Variants in ACACA observed in about 807,000 individuals in gnomAD.
ACACA encodes the protein acetyl-CoA carboxylase alpha.
In ACACA, 103 loss-of-function variants were observed where a neutral mutation model predicts 296.1. That is an observed-to-expected ratio of 0.35 (90% CI 0.30 to 0.41). The LOEUF (loss-of-function observed/expected upper bound fraction) is 0.41, where lower values mean the gene tolerates loss of function less well. ACACA is among the 10% of genes least tolerant of loss of function. The pLI is 1.00. For synonymous variants in ACACA, 953 were observed against 1,038.6 expected (o/e 0.92, Z 1.58); for missense variants, 1,554 against 2,989.7 (o/e 0.52, Z 11.20).
At chr17:37,352,479 G>A (rs2048950642) in intron 1 of ACACA, among the ~76,000 whole-genome samples, 2 of 152,054 alleles carry the variant, frequency 1.3e-5, no homozygotes, top group Admixed American at 1.3e-4. Flanking sequence ...TTGGGAGCCC[G>A]AGGCAGGAAG....
chr17:37,252,190 G>C, intron 15 of ACACA, 82 bp from the exon 16 acceptor site: 1 of 1,134,666 alleles, frequency 8.8e-7, no homozygotes, highest in East Asian at 2.4e-5. Flanking sequence ...GCTCAAATTT[G>C]TTGTGATGAA....
rs2080535982 is a variant in ACACA, at chr17:37,243,710, C to CTATG, written c.2743-152_2743-151insCATA. ...TGCACATACTTGAGCCCTACGGAAC[C>CTATG]CATGTATAGAAATAGTTGTGGGTTC... is the stretch of plus-strand genomic sequence containing the variant. On this transcript the variant is annotated intron_variant, in intron 21 of 55. Coordinates refer to ENST00000616317, the MANE Select transcript of ACACA (RefSeq NM_198834.3). 5 of 770,744 alleles carry CTATG rather than the reference C, an allele frequency of 6.5e-6. No homozygotes were observed. The South Asian group carries it at 7.9e-5, about 12-fold the overall frequency. The allele number at this position is 770,744 out of a possible 1,614,324, so 47.7% of individuals were successfully genotyped here.
At chr17:37,232,388 T>G (rs758137526) in intron 25 of ACACA, among the ~76,000 whole-genome samples, 2 of 152,138 alleles carry the variant, frequency 1.3e-5, no homozygotes, top group African/African-American at 4.8e-5. Context: ...AGTGCTACCA[T>G]GTGCAGGTGA....
At chr17:37,181,900 C>CAAAAAA (rs61045031) in intron 39 of ACACA, among the ~76,000 whole-genome samples, 11 of 22,236 alleles carry the variant, frequency 4.9e-4, no homozygotes, top group African/African-American at 1.2e-3. Context: ...ACTCTGTATC[C>CAAAAAA]AAAAAAAAAA....
At chr17:37,304,113 G>A (rs1470729951) in intron 3 of ACACA, among the ~76,000 whole-genome samples, 1 of 152,024 alleles carries the variant, frequency 6.6e-6, no homozygotes. Flanking sequence ...ATCTTTTCAT[G>A]TGTTTATTTG....
chr17:37,126,337 T>C (rs919084372), intron 47 of ACACA, among the ~76,000 whole-genome samples: 5 of 152,194 alleles, frequency 3.3e-5, no homozygotes, highest in African/African-American at 9.7e-5. Flanking sequence ...ATATCTACTT[T>C]ATTAAACAGC....
At chr17:37,174,150 C>G (rs1484190397) in intron 41 of ACACA, among the ~76,000 whole-genome samples, 1 of 148,538 alleles carries the variant, frequency 6.7e-6, no homozygotes, top group African/African-American at 2.5e-5. Flanking sequence ...CATGCGCCAC[C>G]GCGCCTGGCT....
At chr17:37,346,316 CAAAA>C (rs35348805) in intron 1 of ACACA, among the ~76,000 whole-genome samples, 1 of 115,894 alleles carries the variant, frequency 8.6e-6, no homozygotes. Flanking sequence ...GACTCTCTCT[CAAAA>C]AAAAAAAAAA....
At chr17:37,259,268 A>T in intron 12 of ACACA, 92 bp downstream of exon 12, 1 of 1,368,224 alleles carries the variant, frequency 7.3e-7, no homozygotes, top group Non-Finnish European at 1.0e-6. Context: ...CTCAGATAGG[A>T]GGTGCTTTTC....
At position 37,272,500 on chromosome 17, in the gene ACACA, A is replaced by G. The variant is rs531094608; in HGVS notation, c.1009-1639T>C. 2.6e-5 allele frequency among the ~76,000 whole-genome samples: 4 copies of G among 152,280 alleles called. No individual in the cohort carries two copies. In the South Asian group the frequency reaches 8.3e-4, roughly 32 times the overall value. ...CTATGCTCATATAAACAGAATTAGT[A>G]TGATGAACTCAATTGCTGAGTGATA... On this transcript the variant is annotated intron_variant, in intron 9 of 55. Transcript: ENST00000616317.
At chr17:37,307,644 G>C (rs1219103015) in intron 3 of ACACA, among the ~76,000 whole-genome samples, 1 of 151,960 alleles carries the variant, frequency 6.6e-6, no homozygotes, top group East Asian at 1.9e-4. Context: ...CCTCAGGCTG[G>C]AGTGCAATCT....
At chr17:37,164,695 C>T (rs954039163) in intron 41 of ACACA, among the ~76,000 whole-genome samples, 2 of 152,208 alleles carry the variant, frequency 1.3e-5, no homozygotes, top group Non-Finnish European at 2.9e-5. Flanking sequence ...TCTGCCTTCA[C>T]ACATGCCCCT....
intron 40 of ACACA, among the ~76,000 whole-genome samples, chr17:37,180,881 T>C (rs1019256387): frequency 2.6e-5 from 4 of 152,182 alleles, no homozygotes; most frequent in Non-Finnish European, 5.9e-5. Flanking sequence ...AATTTGAATA[T>C]AGACTTGGGA....
Position 37,188,378 on chromosome 17 carries a change from T to C in ACACA, c.4675A>G (p.Thr1559Ala), listed in dbSNP as rs776174989. 1 of 1,614,144 alleles carries C rather than the reference T, an allele frequency of 6.2e-7. No homozygotes were observed. The highest frequency in any genetic ancestry group is 8.5e-7 in the Non-Finnish European group (1 of 1,180,004). The change falls in exon 39 of 56, where the codon ACT (threonine) becomes GCT (alanine). Residue 1559 changes from threonine to alanine, a missense_variant. Thr to Ala is a moderately conservative substitution (Grantham distance 58). Transcript: ENST00000616317. ...AGGCGGATGGGAATTGCTTTTCCAG[T>C]TGGCGTCAGGCGAATGTTGATTTTC... ...ELKINIRLTP[T>A]GKAIPIRLFL...
chr17:37,189,422 A>G (rs2077661397), intron 38 of ACACA, among the ~76,000 whole-genome samples: 1 of 152,164 alleles, frequency 6.6e-6, no homozygotes, highest in South Asian at 2.1e-4. Context: ...CTGCACCACA[A>G]AATTTTAAGT....
rs10533479 is a variant in ACACA at position 37,316,302 on chromosome 17, TACAC to T, written c.338+13867_338+13870del. 2.4e-3 allele frequency among the ~76,000 whole-genome samples: 337 copies of T among 142,566 alleles called. 1 individual carries two copies. In the East Asian group the frequency reaches 0.027, roughly 11 times the overall value. 93.5% of individuals were successfully genotyped at this position (142,566 alleles called of 152,430 possible). A position where few individuals can be genotyped will look rare whatever the true frequency, so the allele number is the denominator to read the frequency against. On this transcript the variant is annotated intron_variant, in intron 3 of 55. Coordinates refer to ENST00000616317, the MANE Select transcript of ACACA (RefSeq NM_198834.3). ...CTACCCTACCAGCTCTACCCTTACA[TACAC>T]ACACACACACACACACACACACACA...
chr17:37,390,302 A>AATTTTATATAATATATAT (rs1568095743), intron 1 of ACACA, among the ~76,000 whole-genome samples: 1 of 39,470 alleles, frequency 2.5e-5, no homozygotes, highest in Non-Finnish European at 3.8e-5. Context: ...TATTATACAT[A>AATTTTATATAATATATAT]ATTATATATA....
At chr17:37,284,710 A>C in intron 4 of ACACA, 128 bp downstream of exon 4, 1 of 1,263,522 alleles carries the variant, frequency 7.9e-7, no homozygotes, top group Non-Finnish European at 1.1e-6. Flanking sequence ...GAAAGGCTAA[A>C]ATTCACATAA....
At chr17:37,149,777 T>C (rs1471191881) in intron 45 of ACACA, 87 bp downstream of exon 45, 4 of 1,215,098 alleles carry the variant, frequency 3.3e-6, no homozygotes, top group Non-Finnish European at 4.9e-6. Context: ...ATTGAACTGC[T>C]TCCTTCCAAT....
Sources: gnomAD v4.1 joint callset for allele counts (sites outside exome capture counted in the v4.1 genomes callset) on GRCh38, gnomAD v4.1.1 for gene constraint, MANE v1.5 for transcripts, NCBI Gene and HGNC (gene_info 2026-07-23, HGNC 2026-07-21) for gene names.